Variants in ZDHHC14 observed in about 807,000 individuals in gnomAD.
The protein encoded by ZDHHC14 is palmitoyltransferase ZDHHC14.
A neutral mutation model predicts 47.7 loss-of-function variants in ZDHHC14; 16 were observed. The observed-to-expected ratio is 0.34, with a 90% CI of 0.23 to 0.51. The LOEUF is 0.51. Among genes scored for constraint, ZDHHC14 ranks in the 20% least tolerant of loss-of-function variants. The probability of loss-of-function intolerance (pLI) is 0.97; values close to 1 mark genes in which losing one functional copy is unlikely to be tolerated. For missense variants in ZDHHC14, 515 were observed against 662.5 expected (o/e 0.78, Z 2.44); for synonymous variants, 293 against 278.9 (o/e 1.05, Z -0.50).
chr6:157,424,400 C>A (rs1360932845), intron 1 of ZDHHC14, among the ~76,000 whole-genome samples: 8 of 152,142 alleles, frequency 5.3e-5, no homozygotes, highest in African/African-American at 1.9e-4. Context: ...AGGTCAAACT[C>A]AAACACAATC....
chr6:157,599,496 T>G lies in ZDHHC14; in HGVS notation c.565+6350T>G, dbSNP rs1784262134. On this transcript the variant is annotated intron_variant, in intron 3 of 8. Coordinates refer to ENST00000359775, the MANE Select transcript of ZDHHC14 (RefSeq NM_024630.3). ...CAGACAGCCAGGCGAAGGTGGCGAC[T>G]GCCCCACACTCAGCATCTATAATGA... Among the ~76,000 whole-genome samples, 4 of 152,362 alleles carry G rather than the reference T, an allele frequency of 2.6e-5. No homozygotes were observed. In the South Asian group the frequency reaches 8.3e-4, roughly 32 times the overall value.
chr6:157,533,333 C>T (rs770161112), intron 1 of ZDHHC14, among the ~76,000 whole-genome samples: 9 of 151,922 alleles, frequency 5.9e-5, no homozygotes, highest in Non-Finnish European at 1.0e-4. Flanking sequence ...GGGATAAGTG[C>T]TATGGGAAGA....
chr6:157,403,070 T>G (rs1448765184), intron 1 of ZDHHC14, among the ~76,000 whole-genome samples: 6 of 112,622 alleles, frequency 5.3e-5, no homozygotes, highest in Non-Finnish European at 9.6e-5. Flanking sequence ...TGAACTGGAC[T>G]TGTTGCATTG....
At chr6:157,671,344 A>G (rs1778785524) in intron 8 of ZDHHC14, among the ~76,000 whole-genome samples, 1 of 152,138 alleles carries the variant, frequency 6.6e-6, no homozygotes, top group Non-Finnish European at 1.5e-5. Context: ...TCATTTGTGA[A>G]GAGGGGAACA....
At chr6:157,540,680 A>G (rs907698703) in intron 1 of ZDHHC14, among the ~76,000 whole-genome samples, 1 of 151,994 alleles carries the variant, frequency 6.6e-6, no homozygotes, top group Non-Finnish European at 1.5e-5. Context: ...GAGAAGGGGG[A>G]AAAACGTGGG....
chr6:157,381,539 A>C lies in ZDHHC14; in HGVS notation c.-483A>C, dbSNP rs1171024759. 2.5e-6 allele frequency: 1 copy of C among 404,506 alleles called. No homozygotes were observed. Among genetic ancestry groups the C allele is most frequent in the African/African-American group, 2.2e-5 (1 of 44,798 alleles). 25.1% of individuals were successfully genotyped at this position (404,506 alleles called of 1,614,324 possible). A position where few individuals can be genotyped will look rare whatever the true frequency, so the allele number is the denominator to read the frequency against. On this transcript the variant is annotated 5_prime_UTR_variant, in exon 1 of 9. Coordinates refer to ENST00000359775, the MANE Select transcript of ZDHHC14 (RefSeq NM_024630.3). The stretch of plus-strand genomic sequence containing the variant: ...CGCTGCCGGAGGAAGGAGTGGACCC[A>C]ACCTGGCCGCGCCGCAGAAGTGGCT...
intron 1 of ZDHHC14, among the ~76,000 whole-genome samples, chr6:157,460,405 GAAAAAAA>G (rs1164382844): frequency 1.8e-3 from 79 of 43,384 alleles, no homozygotes; most frequent in African/African-American, 4.5e-3. Context: ...TCTCTCTCTG[GAAAAAAA>G]AAAAAAAAAA....
intron 1 of ZDHHC14, among the ~76,000 whole-genome samples, chr6:157,456,081 C>T (rs1430875866): frequency 6.6e-6 from 1 of 152,150 alleles, no homozygotes; most frequent in Admixed American, 6.5e-5. Context: ...TTGCAGATTG[C>T]GCCCTCCGTT....
chr6:157,550,520 C>T (rs1782186459), intron 2 of ZDHHC14, among the ~76,000 whole-genome samples: 2 of 135,826 alleles, frequency 1.5e-5, no homozygotes, highest in South Asian at 2.1e-4. Context: ...CACAGCGTCA[C>T]ACAGGCACTC....
At chr6:157,537,110 G>A (rs1289035411) in intron 1 of ZDHHC14, among the ~76,000 whole-genome samples, 4 of 55,670 alleles carry the variant, frequency 7.2e-5, no homozygotes, top group African/African-American at 1.7e-4. Flanking sequence ...GAGCCACCGC[G>A]CCCGGCTCCA....
chr6:157,416,972 GTTTTT>G (rs71027335), intron 1 of ZDHHC14, among the ~76,000 whole-genome samples: 84 of 45,548 alleles, frequency 1.8e-3, no homozygotes, highest in Admixed American at 6.7e-3. Flanking sequence ...TGCCTGGCTA[GTTTTT>G]TTTTTTTTTT....
chr6:157,587,415 T>G (rs1165181245), intron 2 of ZDHHC14, among the ~76,000 whole-genome samples: 1 of 152,182 alleles, frequency 6.6e-6, no homozygotes, highest in East Asian at 1.9e-4. Context: ...AGGCCCCTGC[T>G]TTTGGAGCTC....
At chr6:157,658,721 A>G (rs570079658) in intron 8 of ZDHHC14, among the ~76,000 whole-genome samples, 1 of 152,232 alleles carries the variant, frequency 6.6e-6, no homozygotes, top group African/African-American at 2.4e-5. Context: ...GTTTGCTAGT[A>G]TTTTGTTAAG....
intron 5 of ZDHHC14, among the ~76,000 whole-genome samples, chr6:157,640,036 A>G (rs998089370): frequency 6.6e-6 from 1 of 152,180 alleles, no homozygotes; most frequent in African/African-American, 2.4e-5. Context: ...CTGTCCGGGA[A>G]GCCATGTGGT....
intron 2 of ZDHHC14, among the ~76,000 whole-genome samples, chr6:157,591,375 A>G (rs2114889509): frequency 6.6e-6 from 1 of 152,282 alleles, no homozygotes; most frequent in Admixed American, 6.5e-5. Flanking sequence ...TAATTGAATC[A>G]TGGAGACAGT....
intron 1 of ZDHHC14, among the ~76,000 whole-genome samples, chr6:157,440,407 C>T (rs542280953): frequency 6.6e-6 from 1 of 152,230 alleles, no homozygotes; most frequent in East Asian, 1.9e-4. Context: ...AAGGAACATA[C>T]AAGTGTTTAT....
intron 1 of ZDHHC14, among the ~76,000 whole-genome samples, chr6:157,477,155 T>C (rs1481134722): frequency 1.3e-5 from 2 of 151,934 alleles, no homozygotes; most frequent in Non-Finnish European, 2.9e-5. Context: ...CTGAGGGGGG[T>C]GGTCACCTGA....
chr6:157,437,503 C>T (rs986009568), intron 1 of ZDHHC14, among the ~76,000 whole-genome samples: 1 of 152,176 alleles, frequency 6.6e-6, no homozygotes, highest in Admixed American at 6.5e-5. Flanking sequence ...TAGAAGGAAG[C>T]AGTGAGTGCT....
chr6:157,518,042 G>A (rs1007119058), intron 1 of ZDHHC14, among the ~76,000 whole-genome samples: 1 of 152,212 alleles, frequency 6.6e-6, no homozygotes, highest in Admixed American at 6.5e-5. Context: ...GGAGGGTGGG[G>A]GGCTGGCCAC....
Sources: gnomAD v4.1 joint callset for allele counts (sites outside exome capture counted in the v4.1 genomes callset) on GRCh38, gnomAD v4.1.1 for gene constraint, MANE v1.5 for transcripts, NCBI Gene and HGNC (gene_info 2026-07-23, HGNC 2026-07-21) for gene names.